PLA2G7: variants seen among roughly 807,000 people sequenced by gnomAD.
PLA2G7 encodes the protein platelet-activating factor acetylhydrolase.
In PLA2G7, 63 loss-of-function variants were observed where a neutral mutation model predicts 49.6. The observed-to-expected ratio is 1.27, with a 90% CI of 1.04 to 1.57. PLA2G7 has a LOEUF of 1.57. PLA2G7 is among the 40% of genes most tolerant of loss of function. The pLI is 0.00. For synonymous variants in PLA2G7, 193 were observed against 169.9 expected (o/e 1.14, Z -1.06); for missense variants, 596 against 521.2 (o/e 1.14, Z -1.40).
At chr6:46,734,315 TGAGAGAGAGG>T (rs1025442320) in intron 1 of PLA2G7, among the ~76,000 whole-genome samples, 3 of 141,856 alleles carry the variant, frequency 2.1e-5, no homozygotes, top group African/African-American at 7.9e-5. Flanking sequence ...AAAGGGAGAG[TGAGAGAGAGG>T]GAGAGAGGGA....
intron 9 of PLA2G7, 110 bp from the exon 10 acceptor site, chr6:46,708,271 A>G (rs1764899015): frequency 8.4e-6 from 7 of 830,354 alleles, no homozygotes; most frequent in South Asian, 4.1e-5. Context: ...CCAGTTTATT[A>G]TGGGTTATCT....
chr6:46,716,605 A>G, intron 3 of PLA2G7, 77 bp from the exon 4 acceptor site: 1 of 1,454,642 alleles, frequency 6.9e-7, no homozygotes, highest in South Asian at 1.2e-5. Context: ...TGCATATTTA[A>G]TTAGTGGGGA....
intron 10 of PLA2G7, among the ~76,000 whole-genome samples, chr6:46,705,564 G>T (rs1764789712): frequency 6.6e-6 from 1 of 152,146 alleles, no homozygotes; most frequent in South Asian, 2.1e-4. Flanking sequence ...TAGAAGAAAT[G>T]ATTCTTGCTT....
chr6:46,712,164 T>G, intron 6 of PLA2G7, 105 bp downstream of exon 6: 1 of 783,116 alleles, frequency 1.3e-6, no homozygotes, highest in Non-Finnish European at 2.2e-6. Context: ...ACTTGAAAGT[T>G]CCATCAACAT....
At position 46,709,419 on chromosome 6, in the gene PLA2G7, C is replaced by T; in HGVS notation, c.778-1G>A. On this transcript the variant is annotated splice_acceptor_variant, in intron 8 of 11. Coordinates refer to ENST00000274793, the MANE Select transcript of PLA2G7 (RefSeq NM_005084.4). LOFTEE classifies it high-confidence loss of function. ...CTATTTTTTCCCTATCAATAGAGTC[C>T]TATTTGAAAAAGCATGATATAAATT... 1.3e-6 allele frequency: 2 copies of T among 1,537,380 alleles called. No homozygotes were observed. The highest frequency in any genetic ancestry group is 1.1e-5 in the South Asian group (1 of 89,436).
intron 1 of PLA2G7, among the ~76,000 whole-genome samples, chr6:46,731,422 G>A (rs1765732086): frequency 6.6e-6 from 1 of 152,102 alleles, no homozygotes; most frequent in Non-Finnish European, 1.5e-5. Context: ...CAGGACAAAG[G>A]CAAATCTGTC....
chr6:46,712,046 C>T (rs140098199), intron 6 of PLA2G7, among the ~76,000 whole-genome samples: 222 of 152,250 alleles, frequency 1.5e-3, no homozygotes, highest in East Asian at 3.5e-3. Flanking sequence ...GTATTAAAAA[C>T]ATTTCGCATA....
intron 1 of PLA2G7, among the ~76,000 whole-genome samples, chr6:46,727,965 TTA>T (rs1231007157): frequency 1.3e-5 from 2 of 152,198 alleles, no homozygotes; most frequent in Non-Finnish European, 2.9e-5. Context: ...AGATAATAAA[TTA>T]TGTTGCTTTA....
At chr6:46,707,541 A>T (rs1294454015) in intron 10 of PLA2G7, among the ~76,000 whole-genome samples, 1 of 152,094 alleles carries the variant, frequency 6.6e-6, no homozygotes, top group East Asian at 1.9e-4. Flanking sequence ...GGTTATTTAA[A>T]AGTGTGTAGT....
intron 1 of PLA2G7, among the ~76,000 whole-genome samples, chr6:46,723,446 A>G (rs181581363): frequency 6.6e-6 from 1 of 152,324 alleles, no homozygotes; most frequent in East Asian, 1.9e-4. Flanking sequence ...GTTTCCAAAA[A>G]GCAGAAGTCA....
chr6:46,714,430 G>T, intron 5 of PLA2G7, 30 bp downstream of exon 5: 1 of 1,356,632 alleles, frequency 7.4e-7, no homozygotes, highest in Non-Finnish European at 1.1e-6. Flanking sequence ...ATTCCTGGAA[G>T]CCAAAATTGT....
At chr6:46,733,125 G>T (rs1277219630) in intron 1 of PLA2G7, among the ~76,000 whole-genome samples, 1 of 152,178 alleles carries the variant, frequency 6.6e-6, no homozygotes, top group Non-Finnish European at 1.5e-5. Flanking sequence ...CACTCCAGCT[G>T]CTCAGGTACC....
intron 7 of PLA2G7, among the ~76,000 whole-genome samples, chr6:46,711,153 T>G (rs1765007053): frequency 6.6e-6 from 1 of 152,214 alleles, no homozygotes; most frequent in Non-Finnish European, 1.5e-5. Context: ...TATTGTATAC[T>G]GCCTCTCTGA....
chr6:46,707,642 G>T (rs1415358133), intron 10 of PLA2G7, among the ~76,000 whole-genome samples: 3 of 152,148 alleles, frequency 2.0e-5, no homozygotes, highest in Non-Finnish European at 4.4e-5. Context: ...GTTTCCTGAG[G>T]CCTCCCCAGA....
chr6:46,704,489 C>T lies in PLA2G7; in HGVS notation c.*71G>A. 1.2e-6 allele frequency: 1 copy of T among 834,188 alleles called. No homozygotes were observed. The highest frequency in any genetic ancestry group is 2.0e-6 in the Non-Finnish European group (1 of 491,338). The allele number at this position is 834,188 out of a possible 1,614,324, so 51.7% of individuals were successfully genotyped here. The stretch of plus-strand genomic sequence containing the variant: ...TCTCTCTCTCTCTCTCACACACACA[C>T]ACACACACACACACACACACATAAT... On this transcript the variant is annotated 3_prime_UTR_variant, in exon 12 of 12. Transcript: ENST00000274793.
chr6:46,706,508 G>A (rs1048613379), intron 10 of PLA2G7, among the ~76,000 whole-genome samples: 1 of 152,172 alleles, frequency 6.6e-6, no homozygotes, highest in Non-Finnish European at 1.5e-5. Context: ...GAAGAGGGGT[G>A]GTCAGCAATG....
rs1196715480 is a variant in PLA2G7, at chr6:46,704,274, A to G, written c.*286T>C. ...TGTAAAAACAGTTTTTAACTTCGAC[A>G]CTGAAAAGGAATCATCTTTAAAATT... On this transcript the variant is annotated 3_prime_UTR_variant, in exon 12 of 12. Transcript: ENST00000274793. The G allele has an allele frequency of 3.2e-6, 1 of 316,682 alleles. No homozygotes were observed. The highest frequency in any genetic ancestry group is 2.1e-5 in the African/African-American group (1 of 46,992). 19.6% of individuals were successfully genotyped at this position (316,682 alleles called of 1,614,324 possible).
chr6:46,733,712 G>GA (rs2150717165), intron 1 of PLA2G7, among the ~76,000 whole-genome samples: 1 of 152,314 alleles, frequency 6.6e-6, no homozygotes, highest in Non-Finnish European at 1.5e-5. Flanking sequence ...GGTGATGGAG[G>GA]CTCACCAGTG....
At chr6:46,730,101 AT>A (rs1293883615) in intron 1 of PLA2G7, among the ~76,000 whole-genome samples, 2 of 152,218 alleles carry the variant, frequency 1.3e-5, no homozygotes, top group African/African-American at 2.4e-5. Flanking sequence ...GGATTTAAGG[AT>A]TTTAACAAAT....
Sources: gnomAD v4.1 joint callset for allele counts (sites outside exome capture counted in the v4.1 genomes callset) on GRCh38, gnomAD v4.1.1 for gene constraint, MANE v1.5 for transcripts, NCBI Gene and HGNC (gene_info 2026-07-23, HGNC 2026-07-21) for gene names.